Variants in WDR25 observed in about 807,000 individuals in gnomAD.
The protein encoded by WDR25 is WD repeat domain 25, also known as WD repeat-containing protein 25.
In WDR25, 35 loss-of-function variants were observed where a neutral mutation model predicts 47.7. The ratio of observed to expected loss-of-function variants is 0.73; its 90% confidence interval spans 0.56 to 0.97. WDR25 has a LOEUF of 0.97. Ranked by LOEUF, WDR25 falls within the 50% of genes least tolerant of loss-of-function variation. The pLI is 0.00. For synonymous variants in WDR25, 248 were observed against 278.9 expected, an observed-to-expected ratio of 0.89 and a Z score of 1.10; for missense variants, 634 against 704.7, an observed-to-expected ratio of 0.90 and a Z score of 1.14.
Position 100,484,076 on chromosome 14 carries a change from T to A in WDR25, c.1053T>A (p.Cys351Ter), listed in dbSNP as rs956823648. ...FHPKDHNIFLCGGFSSEMKAW... is the reference protein window; with the variant it reads ...FHPKDHNIFL The stretch of plus-strand genomic sequence containing the variant: ...CAAAAGACCACAACATCTTTTTATG[T>A]GGAGGCTTCAGCTCTGAAATGAAAG... Residue 351 changes from cysteine to a stop codon, truncating the protein, a stop_gained, in exon 4 of 7, where the codon TGT becomes TGA. Coordinates refer to ENST00000402312, the MANE Select transcript of WDR25 (RefSeq NM_001161476.3). LOFTEE classifies it high-confidence loss of function. 6.2e-7 allele frequency: 1 copy of A among 1,614,086 alleles called. No individual in the cohort carries two copies. Among genetic ancestry groups the A allele is most frequent in the African/African-American group, 1.3e-5 (1 of 75,048 alleles).
chr14:100,376,558 C>T (rs1361275283), intron 1 of WDR25, 63 bp downstream of exon 1: 2 of 1,231,892 alleles, frequency 1.6e-6, no homozygotes, highest in Non-Finnish European at 2.0e-6. Context: ...GCCTAAAGCG[C>T]CCCGTGCCGC....
At chr14:100,466,284 CT>C (rs1899626386) in intron 2 of WDR25, among the ~76,000 whole-genome samples, 1 of 152,170 alleles carries the variant, frequency 6.6e-6, no homozygotes, top group South Asian at 2.1e-4. Context: ...TACTCTTGAC[CT>C]TTTGTTTTCT....
At chr14:100,411,829 C>T (rs761366047) in intron 2 of WDR25, among the ~76,000 whole-genome samples, 4 of 152,224 alleles carry the variant, frequency 2.6e-5, no homozygotes, top group Admixed American at 2.6e-4. Flanking sequence ...AGCCACCATG[C>T]CCTGCCTGGT....
chr14:100,410,767 C>T (rs1171552223), intron 2 of WDR25, among the ~76,000 whole-genome samples: 5 of 150,816 alleles, frequency 3.3e-5, no homozygotes, highest in South Asian at 4.2e-4. Context: ...CTTTTGGATG[C>T]GAAGTTTAAG....
intron 1 of WDR25, 52 bp downstream of exon 1, chr14:100,376,547 C>G: frequency 8.1e-7 from 1 of 1,231,824 alleles, no homozygotes; most frequent in Non-Finnish European, 1.0e-6. Flanking sequence ...GACTGGGCAG[C>G]GCCTAAAGCG....
chr14:100,400,608 T>C (rs1336427940), intron 2 of WDR25, among the ~76,000 whole-genome samples: 2 of 152,250 alleles, frequency 1.3e-5, no homozygotes, highest in African/African-American at 4.8e-5. Context: ...ATAAGACTTA[T>C]AAAATTCAAA....
rs189189842 is a variant in WDR25, at chr14:100,525,065, C to T, written c.1102-805C>T. ...TGGTAAAGGGACCGGCCGGCCCCTG[C>T]GACCAACTTGAGACCTTGCTGCGCT... is the stretch of plus-strand genomic sequence containing the variant. On this transcript the variant is annotated intron_variant, in intron 4 of 6. Transcript: ENST00000402312. The surrounding 1 kb of genome is among the most constrained non-coding windows in gnomAD (Gnocchi z 4.6). 1.1e-3 allele frequency among the ~76,000 whole-genome samples: 170 copies of T among 152,270 alleles called. 1 individual carries two copies. In the East Asian group the frequency reaches 0.016, roughly 14 times the overall value.
At chr14:100,467,134 A>G (rs4905963) in intron 2 of WDR25, among the ~76,000 whole-genome samples, 87,030 of 152,204 alleles carry the variant, frequency 0.57, 25,586 homozygotes, top group Admixed American at 0.7. Context: ...TCCTCCAACA[A>G]AAGGACAGCT....
rs954350766 is a variant in WDR25, at chr14:100,502,297, A to G, written c.1101+18173A>G. ...TTCATAACTTCCCTGCTTAAGGGGA[A>G]AGGCCTTAAGGCTCTCATGAGCCCC... On this transcript the variant is annotated intron_variant, in intron 4 of 6. Coordinates refer to ENST00000402312, the MANE Select transcript of WDR25 (RefSeq NM_001161476.3). The surrounding 1 kb of genome is among the most constrained non-coding windows in gnomAD (Gnocchi z 4.5). 6.6e-6 allele frequency among the ~76,000 whole-genome samples: 1 copy of G among 152,068 alleles called. No individual in the cohort carries two copies. The highest frequency in any genetic ancestry group is 2.4e-5 in the African/African-American group (1 of 41,430).
At position 100,424,276 on chromosome 14, in the gene WDR25, T is replaced by G. The variant is rs1898107368; in HGVS notation, c.822+42530T>G. 6.6e-6 allele frequency among the ~76,000 whole-genome samples: 1 copy of G among 152,172 alleles called. No individual in the cohort carries two copies. Among genetic ancestry groups the G allele is most frequent in the South Asian group, 2.1e-4 (1 of 4,832 alleles). On this transcript the variant is annotated intron_variant, in intron 2 of 6. Transcript: ENST00000402312. This position sits in a 1 kb window ranked among gnomAD's most constrained non-coding sequence, Gnocchi z 4.2. Reference sequence around the variant, plus strand: ...TGGCGTTTTCACACCATGTTCTAGGTGCCAGCAGAAGTCTAACAAGGAGCA... The same window carrying G: ...TGGCGTTTTCACACCATGTTCTAGGGGCCAGCAGAAGTCTAACAAGGAGCA...
intron 2 of WDR25, among the ~76,000 whole-genome samples, chr14:100,386,739 A>G (rs1897027866): frequency 6.6e-6 from 1 of 151,852 alleles, no homozygotes; most frequent in South Asian, 2.1e-4. Flanking sequence ...TAAAAATACA[A>G]AAAATTAGCC....
At chr14:100,456,727 A>G (rs1454695211) in intron 2 of WDR25, among the ~76,000 whole-genome samples, 1 of 152,208 alleles carries the variant, frequency 6.6e-6, no homozygotes, top group Non-Finnish European at 1.5e-5. Flanking sequence ...GGAAAAATGA[A>G]CAGATCATCA....
At position 100,485,318 on chromosome 14, in the gene WDR25, G is replaced by A. The variant is rs189273730; in HGVS notation, c.1101+1194G>A. Among the ~76,000 whole-genome samples, 27 of 152,106 alleles carry A rather than the reference G, an allele frequency of 1.8e-4. No homozygotes were observed. In the East Asian group the frequency reaches 5.2e-3, roughly 29 times the overall value. On this transcript the variant is annotated intron_variant, in intron 4 of 6. Transcript: ENST00000402312. ...CATTTACCATCACCTGACATATTAT[G>A]GATTTTATGTGTTCATTCATCTGCC...
chr14:100,480,057 A>C (rs2140313722), intron 3 of WDR25, among the ~76,000 whole-genome samples: 1 of 152,298 alleles, frequency 6.6e-6, no homozygotes, highest in South Asian at 2.1e-4. Flanking sequence ...GCTTCGTATC[A>C]ATTCCCATTT....
chr14:100,432,861 G>T (rs1014525923), intron 2 of WDR25, among the ~76,000 whole-genome samples: 1 of 152,212 alleles, frequency 6.6e-6, no homozygotes, highest in Non-Finnish European at 1.5e-5. Flanking sequence ...GAACCTAGAT[G>T]GTACAGCCTA....
At chr14:100,492,678 T>A (rs1900604854) in intron 4 of WDR25, among the ~76,000 whole-genome samples, 1 of 152,038 alleles carries the variant, frequency 6.6e-6, no homozygotes, top group Non-Finnish European at 1.5e-5. Context: ...TTTTTAAAAA[T>A]TTATTTATTT....
Position 100,506,881 on chromosome 14 carries a change from A to C in WDR25, c.1102-18989A>C, listed in dbSNP as rs142559821. On this transcript the variant is annotated intron_variant, in intron 4 of 6. Coordinates refer to ENST00000402312, the MANE Select transcript of WDR25 (RefSeq NM_001161476.3). The surrounding 1 kb of genome is among the most constrained non-coding windows in gnomAD (Gnocchi z 4.8). ...TGTAGGTTGTCTGTTTACTCTCTGG[A>C]TAGTTTATTTTGCTGTGCAGAAGCT... Among the ~76,000 whole-genome samples, 22 of 152,140 alleles carry C rather than the reference A, an allele frequency of 1.4e-4. 1 individual carries two copies. In the East Asian group the frequency reaches 3.5e-3, roughly 24 times the overall value.
At chr14:100,456,638 C>T (rs1899213898) in intron 2 of WDR25, among the ~76,000 whole-genome samples, 1 of 152,164 alleles carries the variant, frequency 6.6e-6, no homozygotes, top group African/African-American at 2.4e-5. Flanking sequence ...AACAGCAGAT[C>T]AGAAACTATA....
rs1170431732 is a variant in WDR25 at position 100,484,007 on chromosome 14, T to G, written c.984T>G (p.Phe328Leu). 1 of 1,612,188 alleles carries G rather than the reference T, an allele frequency of 6.2e-7. No homozygotes were observed. Among genetic ancestry groups the G allele is most frequent in the Admixed American group, 1.7e-5 (1 of 59,574 alleles). ...TTTGTGTTGTAGGAACCCAGCTATT[T>G]AGTGGTCGAAGTGACTTTAGAATCA... ...LTDLETGTQL[F>L]SGRSDFRITT... Residue 328 changes from phenylalanine (F) to leucine (L), a missense_variant, in exon 4 of 7, where the codon TTT (phenylalanine) becomes TTG (leucine). Transcript: ENST00000402312.
Sources: allele counts gnomAD v4.1 joint callset (sites outside exome capture counted in the v4.1 genomes callset), GRCh38; gene constraint gnomAD v4.1.1; non-coding constraint Gnocchi (gnomAD v3.1); transcripts MANE v1.5; gene names NCBI Gene and HGNC (gene_info 2026-07-23, HGNC 2026-07-21).